OR9G1: variants seen among roughly 807,000 people sequenced by gnomAD.
The protein encoded by OR9G1 is olfactory receptor 9G1.
Under a neutral mutation model 14.5 loss-of-function variants are expected in OR9G1, and 21 were observed. The ratio of observed to expected loss-of-function variants is 1.45; its 90% CI spans 1.03 to 2.09. The LOEUF is 2.09. Ranked by LOEUF, OR9G1 falls within the 30% of genes most tolerant of loss-of-function variation. OR9G1 has a pLI of 0.00. For missense variants in OR9G1, 476 were observed against 364.2 expected, an observed-to-expected ratio of 1.31 and a Z score of -2.50; for synonymous variants, 179 against 153.3, an observed-to-expected ratio of 1.17 and a Z score of -1.24.
intron 1 of OR9G1, 85 bp from the exon 2 acceptor site, chr11:56,700,285 A>C: frequency 1.5e-6 from 2 of 1,357,672 alleles, no homozygotes; most frequent in Non-Finnish European, 1.9e-6. Flanking sequence ...AGACTTCACG[A>C]AACACTGCAA....
At position 56,701,139 on chromosome 11, in the gene OR9G1, A is replaced by G. The variant is rs896108580; in HGVS notation, c.752A>G (p.Tyr251Cys). The G allele has an allele frequency of 4.3e-5, 69 of 1,614,198 alleles. No individual in the cohort carries two copies. The highest frequency in any genetic ancestry group is 5.6e-5 in the Non-Finnish European group (66 of 1,180,068). ...SSHLTSVTLY[Y>C]GSILYIYALP... ...CACCTGACCTCTGTCACTTTATACT[A>G]TGGCTCCATTCTCTACATCTACGCT... Residue 251 changes from tyrosine to cysteine, a missense_variant, in exon 2 of 2, where the codon TAT (tyrosine) becomes TGT (cysteine). Tyr to Cys is a radical substitution (Grantham distance 194, BLOSUM62 -2). Around this residue, in one of 3 missense-constraint regions of OR9G1, gnomAD observed 352 missense variants for 211.6 expected, o/e 1.66. Transcript: ENST00000642097.
intron 1 of OR9G1, among the ~76,000 whole-genome samples, chr11:56,700,132 A>T (rs1402156230): frequency 6.6e-6 from 1 of 152,310 alleles, no homozygotes; most frequent in Non-Finnish European, 1.5e-5. Context: ...TTATAAGTAC[A>T]TCTTTTCTTC....
Position 56,701,611 on chromosome 11 carries a change from TAC to T in OR9G1, c.*308_*309del. ...ATTAGCCTAAGATTTGGCTAACTGA[TAC>T]ATATAGAAGAGTATCTATATAGTTC... On this transcript the variant is annotated 3_prime_UTR_variant, in exon 2 of 2. Coordinates refer to ENST00000642097, the MANE Select transcript of OR9G1 (RefSeq NM_001005213.2). 2.6e-6 allele frequency: 1 copy of T among 386,740 alleles called. No homozygotes were observed. The highest frequency in any genetic ancestry group is 4.4e-5 in the East Asian group (1 of 22,918). The allele number at this position is 386,740 out of a possible 1,614,324, so 24.0% of individuals were successfully genotyped here. A position where few individuals can be genotyped will look rare whatever the true frequency, so the allele number is the denominator to read the frequency against.
Position 56,701,172 on chromosome 11 carries a change from G to A in OR9G1, c.785G>A (p.Arg262Lys), listed in dbSNP as rs769664512. 1 of 1,614,188 alleles carries A rather than the reference G, an allele frequency of 6.2e-7. No homozygotes were observed. Among genetic ancestry groups the A allele is most frequent in the Non-Finnish European group, 8.5e-7 (1 of 1,180,064 alleles). ...ATTCTCTACATCTACGCTCTCCCCA[G>A]ATCTAGCTATTCTTTTGATATGGAC... ...GSILYIYALPRSSYSFDMDKI... is the reference protein window; with the variant it reads ...GSILYIYALPKSSYSFDMDKI... Residue 262 changes from arginine (R) to lysine (K), a missense_variant, in exon 2 of 2, where the codon AGA becomes AAA. This residue lies in a region of OR9G1 where 352 missense variants were observed against 211.6 expected (regional missense o/e 1.66). Transcript: ENST00000642097.
In OR9G1 at chr11:56,702,936, G is replaced by A. The variant is rs1342799304; in HGVS notation, c.*1631G>A. The A allele has an allele frequency of 6.6e-6, 1 of 152,300 alleles. No homozygotes were observed. Among genetic ancestry groups the A allele is most frequent in the Non-Finnish European group, 1.5e-5 (1 of 68,058 alleles). The allele number at this position is 152,300 out of a possible 1,614,324, so 9.4% of individuals were successfully genotyped here. ...TGTTCTCACCACAAAGCAGTGGTAA[G>A]TATATGAGGTGATGGACATAATAAT... is the stretch of plus-strand genomic sequence containing the variant. On this transcript the variant is annotated 3_prime_UTR_variant, in exon 2 of 2. Transcript: ENST00000642097.
At position 56,701,983 on chromosome 11, in the gene OR9G1, T is replaced by G. The variant is rs1857647649; in HGVS notation, c.*678T>G. On this transcript the variant is annotated 3_prime_UTR_variant, in exon 2 of 2. Coordinates refer to ENST00000642097, the MANE Select transcript of OR9G1 (RefSeq NM_001005213.2). ...TACAAGGACTTTTACATTAAAATTG[T>G]GACCTTCTGAGCATCAAAGGGCAAT... 1 of 152,312 alleles carries G rather than the reference T, an allele frequency of 6.6e-6. No homozygotes were observed. Among genetic ancestry groups the G allele is most frequent in the Admixed American group, 6.5e-5 (1 of 15,294 alleles). 9.4% of individuals were successfully genotyped at this position (152,312 alleles called of 1,614,324 possible). A position where few individuals can be genotyped will look rare whatever the true frequency, so the allele number is the denominator to read the frequency against.
chr11:56,700,864 C>T lies in OR9G1; in HGVS notation c.477C>T (p.Thr159=), dbSNP rs775652436. 1.1e-5 allele frequency: 18 copies of T among 1,614,128 alleles called. No homozygotes were observed. The South Asian group carries it at 1.6e-4, about 15-fold the overall frequency. Residue 159 remains threonine, a synonymous_variant, in exon 2 of 2, where the codon ACC becomes ACT. Transcript: ENST00000642097. Reference sequence around the variant, plus strand: ...GCTTTATTAACTCTTCAATCATCACCAAGAAAACGTTTTCCTTTAACTTCT... The same window carrying T: ...GCTTTATTAACTCTTCAATCATCACTAAGAAAACGTTTTCCTTTAACTTCT... ...CGGFINSSII[T]KKTFSFNFCR...
rs1565049953 is a variant in OR9G1 at position 56,703,376 on chromosome 11, T to C, written c.*2071T>C. 6.6e-6 allele frequency: 1 copy of C among 152,312 alleles called. No homozygotes were observed. The highest frequency in any genetic ancestry group is 2.4e-5 in the African/African-American group (1 of 41,486). 9.4% of individuals were successfully genotyped at this position (152,312 alleles called of 1,614,324 possible). The stretch of plus-strand genomic sequence containing the variant: ...GCCGAAACAGAGTCCAACAGTGTAA[T>C]TCCAAGATGCTCGTGTCAGCCGTTC... On this transcript the variant is annotated 3_prime_UTR_variant, in exon 2 of 2. Transcript: ENST00000642097.
At position 56,701,247 on chromosome 11, in the gene OR9G1, T is replaced by C. The variant is rs1242658876; in HGVS notation, c.860T>C (p.Met287Thr). Residue 287 changes from methionine (M) to threonine (T), a missense_variant, in exon 2 of 2, where the codon ATG (methionine) becomes ACG (threonine). Met to Thr is a moderately conservative substitution (Grantham distance 81). This residue lies in a region of OR9G1 where 352 missense variants were observed against 211.6 expected (regional missense o/e 1.66). Coordinates refer to ENST00000642097, the MANE Select transcript of OR9G1 (RefSeq NM_001005213.2). ...YTVVFPMLNLMIYSLRNKDVK... is the reference protein window; with the variant it reads ...YTVVFPMLNLTIYSLRNKDVK... ...GTGGTATTCCCCATGTTGAATCTCA[T>C]GATCTACAGCCTAAGGAATAAGGAT... 2 of 1,614,194 alleles carry C rather than the reference T, an allele frequency of 1.2e-6. No individual in the cohort carries two copies. The highest frequency in any genetic ancestry group is 2.2e-5 in the East Asian group (1 of 44,896).
In OR9G1 at chr11:56,701,084, T is replaced by A; in HGVS notation, c.697T>A (p.Tyr233Asn). 1 of 1,610,284 alleles carries A rather than the reference T, an allele frequency of 6.2e-7. No homozygotes were observed. The highest frequency in any genetic ancestry group is 8.5e-7 in the Non-Finnish European group (1 of 1,177,848). Residue 233 changes from tyrosine to asparagine, a missense_variant, in exon 2 of 2, where the codon TAC becomes AAC. Physicochemically the swap from Tyr to Asn is moderately radical, Grantham distance 143. Transcript: ENST00000642097. ...SVLRISSSKG[Y>N]LKAFSTCSSH... ...CTTGAGGATCTCCTCCTCCAAGGGC[T>A]ACCTCAAAGCCTTCTCCACATGCTC...
Position 56,701,162 on chromosome 11 carries a change from G to T in OR9G1, c.775G>T (p.Ala259Ser), listed in dbSNP as rs7121276. 185,887 of 1,599,738 alleles carry T rather than the reference G, an allele frequency of 0.12. 1 individual carries two copies. The highest frequency in any genetic ancestry group is 0.19 in the African/African-American group (13,869 of 72,596). ...CTATGGCTCCATTCTCTACATCTACGCTCTCCCCAGATCTAGCTATTCTTT... is the reference window on the plus strand; with the variant it reads ...CTATGGCTCCATTCTCTACATCTACTCTCTCCCCAGATCTAGCTATTCTTT... ...LYYGSILYIY[A>S]LPRSSYSFDM... The change falls in exon 2 of 2, where the codon GCT (alanine) becomes TCT (serine). Residue 259 changes from alanine to serine, a missense_variant. This residue lies in a region of OR9G1 where 352 missense variants were observed against 211.6 expected (regional missense o/e 1.66). Transcript: ENST00000642097.
chr11:56,700,743 A>G lies in OR9G1; in HGVS notation c.356A>G (p.Tyr119Cys), dbSNP rs1440928319. 2.5e-6 allele frequency: 4 copies of G among 1,614,192 alleles called. No individual in the cohort carries two copies. Among genetic ancestry groups the G allele is most frequent in the Non-Finnish European group, 2.5e-6 (3 of 1,180,058 alleles). Residue 119 changes from tyrosine to cysteine, a missense_variant, in exon 2 of 2, where the codon TAT becomes TGT. Tyr to Cys is a radical substitution (Grantham distance 194). Around this residue, in one of 3 missense-constraint regions of OR9G1, gnomAD observed 35 missense variants for 67.6 expected, o/e 0.52. Transcript: ENST00000642097. ...TGCTACCTGCTGGCTGCCGTGGCTT[A>G]TGACCGCTACGTGGCCATCTCCAAG... ...SECYLLAAVA[Y>C]DRYVAISKPL...
rs1857590675 is a variant in OR9G1 at position 56,700,352 on chromosome 11, C to A, written c.-18-18C>A. On this transcript the variant is annotated intron_variant, in intron 1 of 1. Transcript: ENST00000642097. ...TCATGACAGTAATGCAAACTGAGCT[C>A]ATTTTCTTTCCCCATAGGTGAGATT... is the stretch of plus-strand genomic sequence containing the variant. The A allele has an allele frequency of 1.2e-6, 2 of 1,609,944 alleles. No homozygotes were observed. The highest frequency in any genetic ancestry group is 1.7e-6 in the Non-Finnish European group (2 of 1,177,620).
Position 56,701,992 on chromosome 11 carries a change from G to C in OR9G1, c.*687G>C. On this transcript the variant is annotated 3_prime_UTR_variant, in exon 2 of 2. Coordinates refer to ENST00000642097, the MANE Select transcript of OR9G1 (RefSeq NM_001005213.2). ...TTTTACATTAAAATTGTGACCTTCT[G>C]AGCATCAAAGGGCAATTATCATCAT... 6.6e-6 allele frequency: 1 copy of C among 152,306 alleles called. No individual in the cohort carries two copies. The highest frequency in any genetic ancestry group is 1.5e-5 in the Non-Finnish European group (1 of 68,060). 9.4% of individuals were successfully genotyped at this position (152,306 alleles called of 1,614,324 possible). A position where few individuals can be genotyped will look rare whatever the true frequency, so the allele number is the denominator to read the frequency against.
At position 56,703,687 on chromosome 11, in the gene OR9G1, T is replaced by C. The variant is rs1857683196; in HGVS notation, c.*2382T>C. The stretch of plus-strand genomic sequence containing the variant: ...CCGTGGTATCATAAACCCTGACATG[T>C]AACTATAGAAGAGAGTCTCAAACTA... On this transcript the variant is annotated 3_prime_UTR_variant, in exon 2 of 2. Transcript: ENST00000642097. 1 of 152,314 alleles carries C rather than the reference T, an allele frequency of 6.6e-6. No individual in the cohort carries two copies. 9.4% of individuals were successfully genotyped at this position (152,314 alleles called of 1,614,324 possible). A position where few individuals can be genotyped will look rare whatever the true frequency, so the allele number is the denominator to read the frequency against.
Position 56,699,449 on chromosome 11 carries a change from T to A in OR9G1, c.-19+259T>A, listed in dbSNP as rs577675415. 3.9e-5 allele frequency among the ~76,000 whole-genome samples: 6 copies of A among 152,426 alleles called. No individual in the cohort carries two copies. In the South Asian group the frequency reaches 1.2e-3, roughly 32 times the overall value. On this transcript the variant is annotated intron_variant, in intron 1 of 1. Transcript: ENST00000642097. ...CTAATATTGAGAGTTGAGTGTGAAC[T>A]GAGTGTTTTTCCTAGGTCCCAAGAG...
chr11:56,699,947 T>G (rs1171142459), intron 1 of OR9G1, among the ~76,000 whole-genome samples: 15 of 152,282 alleles, frequency 9.9e-5, no homozygotes, highest in Non-Finnish European at 1.5e-4. Context: ...TTTCATAATG[T>G]TTCAATGCAT....
In OR9G1 at chr11:56,700,769, C is replaced by A. The variant is rs139404745; in HGVS notation, c.382C>A (p.Pro128Thr). 3.1e-6 allele frequency: 5 copies of A among 1,614,312 alleles called. No homozygotes were observed. Among genetic ancestry groups the A allele is most frequent in the African/African-American group, 1.3e-5 (1 of 75,090 alleles). The part of the protein sequence containing the change: ...AYDRYVAISK[P>T]LLYAQAMSIK... ...TGACCGCTACGTGGCCATCTCCAAG[C>A]CCCTGCTTTATGCCCAGGCCATGTC... The change falls in exon 2 of 2, where the codon CCC becomes ACC. Residue 128 changes from proline (P) to threonine (T), a missense_variant. By Grantham distance (38) the Pro-to-Thr change is conservative (BLOSUM62 -1). Transcript: ENST00000642097.
chr11:56,700,574 G>A lies in OR9G1; in HGVS notation c.187G>A (p.Gly63Arg). ...CLHTPMYFFT[G>R]NLSFLDLWYS... ...CCACACACCCATGTATTTTTTCACT[G>A]GAAATCTGTCGTTTCTGGATCTCTG... The change falls in exon 2 of 2, where the codon GGA becomes AGA. Residue 63 changes from glycine to arginine, a missense_variant. Coordinates refer to ENST00000642097, the MANE Select transcript of OR9G1 (RefSeq NM_001005213.2). 6.2e-7 allele frequency: 1 copy of A among 1,614,302 alleles called. No individual in the cohort carries two copies. The highest frequency in any genetic ancestry group is 1.1e-5 in the South Asian group (1 of 91,092).
Sources: allele counts gnomAD v4.1 joint callset (sites outside exome capture counted in the v4.1 genomes callset), GRCh38; gene constraint gnomAD v4.1.1; regional missense constraint gnomAD v4.1.1; transcripts MANE v1.5; gene names NCBI Gene and HGNC (gene_info 2026-07-23, HGNC 2026-07-21).